The following PCSK6 variants were observed in gnomAD, a reference collection of about 807,000 sequenced individuals.
PCSK6 encodes the protein proprotein convertase subtilisin/kexin type 6.
A neutral mutation model predicts 123.3 loss-of-function variants in PCSK6; 85 were observed. The observed-to-expected ratio is 0.69, with a 90% CI of 0.58 to 0.83. The LOEUF (loss-of-function observed/expected upper bound fraction) is 0.83, where lower values mean the gene tolerates loss of function less well. Ranked by LOEUF, PCSK6 falls within the 40% of genes least tolerant of loss-of-function variation. The pLI is 0.00. For missense variants in PCSK6, 1,191 were observed against 1,282.3 expected, an observed-to-expected ratio of 0.93 and a Z score of 1.09; for synonymous variants, 508 against 516.0, an observed-to-expected ratio of 0.98 and a Z score of 0.21.
chr15:101,373,685 T>C (rs1244130302), intron 11 of PCSK6, among the ~76,000 whole-genome samples: 1 of 152,162 alleles, frequency 6.6e-6, no homozygotes, highest in East Asian at 1.9e-4. Context: ...AAGCCATCTA[T>C]CAAAAGTCAT....
At chr15:101,450,090 C>T (rs1230849738) in intron 1 of PCSK6, among the ~76,000 whole-genome samples, 2 of 152,118 alleles carry the variant, frequency 1.3e-5, no homozygotes, top group Non-Finnish European at 2.9e-5. Flanking sequence ...GTAAAAGCCA[C>T]CACCAAACCT....
At chr15:101,324,458 G>A (rs927090146) in intron 17 of PCSK6, among the ~76,000 whole-genome samples, 5 of 152,326 alleles carry the variant, frequency 3.3e-5, no homozygotes, top group African/African-American at 1.2e-4. Flanking sequence ...CTTTCCTGGA[G>A]GAGAAATTAC....
At chr15:101,380,096 G>C (rs935133003) in intron 11 of PCSK6, among the ~76,000 whole-genome samples, 1 of 152,222 alleles carries the variant, frequency 6.6e-6, no homozygotes, top group African/African-American at 2.4e-5. Context: ...ACAGAAGTCT[G>C]ATTCTTCTCC....
At chr15:101,485,902 C>G (rs1221069966) in intron 1 of PCSK6, among the ~76,000 whole-genome samples, 1 of 151,674 alleles carries the variant, frequency 6.6e-6, no homozygotes, top group Non-Finnish European at 1.5e-5. Flanking sequence ...ATTGGGGCAA[C>G]TATGAGAGCC....
intron 2 of PCSK6, among the ~76,000 whole-genome samples, chr15:101,443,316 A>T (rs1490200179): frequency 6.6e-6 from 1 of 152,180 alleles, no homozygotes; most frequent in African/African-American, 2.4e-5. Flanking sequence ...CATGGGTAAG[A>T]TTCATATATG....
chr15:101,482,141 C>T (rs1402231758), intron 1 of PCSK6, among the ~76,000 whole-genome samples: 1 of 152,250 alleles, frequency 6.6e-6, no homozygotes, highest in East Asian at 1.9e-4. Flanking sequence ...GTCTGGGAAG[C>T]AGGTACGAGG....
At chr15:101,425,046 C>T (rs1398718263) in intron 6 of PCSK6, among the ~76,000 whole-genome samples, 1 of 152,106 alleles carries the variant, frequency 6.6e-6, no homozygotes, top group African/African-American at 2.4e-5. Context: ...GGTAGGAGCC[C>T]CAGGGGTGGC....
At chr15:101,443,107 G>A (rs892945574) in intron 2 of PCSK6, among the ~76,000 whole-genome samples, 1 of 152,196 alleles carries the variant, frequency 6.6e-6, no homozygotes, top group Non-Finnish European at 1.5e-5. Context: ...TAAAATGTTA[G>A]CCTCCTTTCA....
intron 6 of PCSK6, among the ~76,000 whole-genome samples, chr15:101,412,330 G>A (rs975181204): frequency 6.6e-6 from 1 of 152,110 alleles, no homozygotes; most frequent in African/African-American, 2.4e-5. Flanking sequence ...GACAATCACC[G>A]ATGCCAACAT....
chr15:101,362,444 C>T lies in PCSK6; in HGVS notation c.1858+3752G>A, dbSNP rs147637571. Reference sequence around the variant, plus strand: ...AGCAGGTACAAGGTGCTCAGTGTCACGGGGCTGGATGAGATCCCTGGATGG... The same window carrying T: ...AGCAGGTACAAGGTGCTCAGTGTCATGGGGCTGGATGAGATCCCTGGATGG... On this transcript the variant is annotated intron_variant, in intron 13 of 21. Transcript: ENST00000611716. Among the ~76,000 whole-genome samples, 88 of 152,260 alleles carry T rather than the reference C, an allele frequency of 5.8e-4. 1 individual carries two copies. The East Asian group carries it at 0.015, about 26-fold the overall frequency.
At chr15:101,309,711 G>T (rs920892189) in intron 20 of PCSK6, among the ~76,000 whole-genome samples, 3 of 152,234 alleles carry the variant, frequency 2.0e-5, no homozygotes, top group Admixed American at 6.5e-5. Context: ...GGCAAGTGGA[G>T]GCAGGGCCAG....
At chr15:101,370,021 G>C (rs528123086) in intron 12 of PCSK6, among the ~76,000 whole-genome samples, 4 of 152,202 alleles carry the variant, frequency 2.6e-5, no homozygotes, top group African/African-American at 4.8e-5. Flanking sequence ...AGCAAAGAAG[G>C]CATAGCCAGA....
At chr15:101,451,434 C>T (rs889615472) in intron 1 of PCSK6, among the ~76,000 whole-genome samples, 3 of 151,788 alleles carry the variant, frequency 2.0e-5, no homozygotes, top group Non-Finnish European at 4.4e-5. Flanking sequence ...AAAATCCCCA[C>T]CCCACCTCCC....
At chr15:101,372,095 C>T (rs2041603386) in intron 11 of PCSK6, among the ~76,000 whole-genome samples, 1 of 152,220 alleles carries the variant, frequency 6.6e-6, no homozygotes, top group Admixed American at 6.5e-5. Context: ...GCTGGACCAT[C>T]CTGCCAATTC....
intron 14 of PCSK6, 56 bp from the exon 15 acceptor site, chr15:101,331,745 A>C (rs575393551): frequency 6.2e-7 from 1 of 1,601,750 alleles, no homozygotes; most frequent in African/African-American, 1.3e-5. Context: ...AGAGACACAC[A>C]ACCATCAGCC....
intron 16 of PCSK6, among the ~76,000 whole-genome samples, chr15:101,325,948 A>G (rs947086397): frequency 1.3e-5 from 2 of 152,346 alleles, no homozygotes; most frequent in African/African-American, 4.8e-5. Flanking sequence ...ACACCCAGCC[A>G]GAGTCCAGAG....
chr15:101,362,157 C>A (rs368424313), intron 13 of PCSK6, among the ~76,000 whole-genome samples: 1 of 152,044 alleles, frequency 6.6e-6, no homozygotes, highest in Admixed American at 6.6e-5. Context: ...GGGGTTTCAC[C>A]ATGTTGGCCA....
chr15:101,389,427 ATT>A (rs33912717), intron 9 of PCSK6, 35 bp downstream of exon 9: 391,074 of 1,236,470 alleles, frequency 0.32, 45,677 homozygotes, highest in Non-Finnish European at 0.35. Flanking sequence ...CAATCTAAAC[ATT>A]TTTTTTTTTT....
intron 5 of PCSK6, among the ~76,000 whole-genome samples, chr15:101,429,510 G>A (rs768241856): frequency 5.3e-5 from 8 of 152,110 alleles, no homozygotes; most frequent in South Asian, 4.2e-4. Context: ...CGGCATGCAC[G>A]CAGCCAGTAA....
Sources: gnomAD v4.1 joint callset for allele counts (sites outside exome capture counted in the v4.1 genomes callset) on GRCh38, gnomAD v4.1.1 for gene constraint, MANE v1.5 for transcripts, NCBI Gene and HGNC (gene_info 2026-07-23, HGNC 2026-07-21) for gene names.